The following HS3ST4 variants were observed in gnomAD, a reference collection of about 807,000 sequenced individuals.
The protein encoded by HS3ST4 is heparan sulfate-glucosamine 3-sulfotransferase 4.
HS3ST4 carries 17 observed loss-of-function variants against 29.2 expected under a neutral mutation model. The ratio of observed to expected loss-of-function variants is 0.58; its 90% confidence interval spans 0.40 to 0.87. The LOEUF (loss-of-function observed/expected upper bound fraction) is 0.87, where lower values mean the gene tolerates loss of function less well. HS3ST4 is among the 40% of genes least tolerant of loss of function. The pLI is 0.00. For missense variants in HS3ST4, 627 were observed against 634.5 expected (o/e 0.99, Z 0.13); for synonymous variants, 314 against 285.7 (o/e 1.10, Z -1.00).
chr16:26,060,537 T>C (rs959025328), intron 1 of HS3ST4, among the ~76,000 whole-genome samples: 1 of 152,072 alleles, frequency 6.6e-6, no homozygotes, highest in Non-Finnish European at 1.5e-5. Context: ...CTCTACTTGG[T>C]TTTCCATAGC....
intron 1 of HS3ST4, among the ~76,000 whole-genome samples, chr16:25,920,599 CCCA>C (rs1488663182): frequency 2.3e-5 from 3 of 127,754 alleles, no homozygotes; most frequent in African/African-American, 1.1e-4. Context: ...CACTGCCGCC[CCCA>C]CCCCTCTTTT....
At chr16:25,715,927 G>GGA (rs1160052398) in intron 1 of HS3ST4, among the ~76,000 whole-genome samples, 5 of 152,172 alleles carry the variant, frequency 3.3e-5, no homozygotes, top group South Asian at 4.1e-4. Flanking sequence ...TATAGTCATA[G>GGA]GAGAATGACA....
chr16:25,810,359 G>A (rs537619221), intron 1 of HS3ST4, among the ~76,000 whole-genome samples: 106 of 152,226 alleles, frequency 7.0e-4, no homozygotes, highest in African/African-American at 2.5e-3. Flanking sequence ...ATTTGTTAAA[G>A]TTTATTTTAC....
intron 1 of HS3ST4, among the ~76,000 whole-genome samples, chr16:25,907,984 G>A (rs553395417): frequency 6.6e-6 from 1 of 152,272 alleles, no homozygotes; most frequent in South Asian, 2.1e-4. Context: ...TAACCTTAGA[G>A]ACACACGGAA....
At chr16:25,716,178 A>G (rs912836481) in intron 1 of HS3ST4, among the ~76,000 whole-genome samples, 13 of 152,214 alleles carry the variant, frequency 8.5e-5, no homozygotes, top group Non-Finnish European at 1.8e-4. Context: ...CTTTTCCCAT[A>G]TAATCTTTTA....
chr16:26,013,667 C>T (rs1969333734), intron 1 of HS3ST4, among the ~76,000 whole-genome samples: 1 of 152,128 alleles, frequency 6.6e-6, no homozygotes, highest in South Asian at 2.1e-4. Context: ...AGGGCCTTCG[C>T]ATAAATGCTT....
At chr16:25,732,623 G>C (rs1392493968) in intron 1 of HS3ST4, among the ~76,000 whole-genome samples, 5 of 152,180 alleles carry the variant, frequency 3.3e-5, no homozygotes, top group African/African-American at 1.2e-4. Context: ...AAAAAAAGGA[G>C]TATCAAATAA....
At chr16:26,094,644 C>G (rs1453773736) in intron 1 of HS3ST4, among the ~76,000 whole-genome samples, 2 of 152,190 alleles carry the variant, frequency 1.3e-5, no homozygotes, top group African/African-American at 4.8e-5. Flanking sequence ...CAATCAGTAC[C>G]AGCCACTGCA....
At chr16:25,756,412 TA>T (rs1310002511) in intron 1 of HS3ST4, among the ~76,000 whole-genome samples, 7 of 152,112 alleles carry the variant, frequency 4.6e-5, no homozygotes, top group Non-Finnish European at 1.0e-4. Context: ...AACTGTTAAA[TA>T]GAAAGGCTGT....
chr16:25,800,690 C>T (rs1966924685), intron 1 of HS3ST4, among the ~76,000 whole-genome samples: 1 of 151,966 alleles, frequency 6.6e-6, no homozygotes, highest in Non-Finnish European at 1.5e-5. Context: ...CTCTAAAATT[C>T]ATATGTTGAA....
intron 1 of HS3ST4, among the ~76,000 whole-genome samples, chr16:25,762,911 GAA>G (rs1213138443): frequency 8.0e-6 from 1 of 125,002 alleles, no homozygotes; most frequent in Non-Finnish European, 1.7e-5. Context: ...AAAAAAGAAA[GAA>G]AATGCTCAAC....
At chr16:26,060,945 C>A (rs912608743) in intron 1 of HS3ST4, among the ~76,000 whole-genome samples, 3 of 152,206 alleles carry the variant, frequency 2.0e-5, no homozygotes, top group Non-Finnish European at 4.4e-5. Context: ...TTTCACTCTG[C>A]AGTGAGTCCT....
chr16:25,972,736 C>T (rs187353683), intron 1 of HS3ST4, among the ~76,000 whole-genome samples: 15 of 152,244 alleles, frequency 9.9e-5, no homozygotes, highest in African/African-American at 3.6e-4. Flanking sequence ...CCAGCCCACA[C>T]TCAAGAAGAG....
intron 1 of HS3ST4, among the ~76,000 whole-genome samples, chr16:26,045,372 T>C (rs1898251683): frequency 6.6e-6 from 1 of 152,254 alleles, no homozygotes; most frequent in Non-Finnish European, 1.5e-5. Flanking sequence ...TTTAGTTTAA[T>C]ATATTCTTGC....
chr16:26,132,071 A>G (rs1452547070), intron 1 of HS3ST4, among the ~76,000 whole-genome samples: 3 of 152,312 alleles, frequency 2.0e-5, no homozygotes, highest in Admixed American at 1.3e-4. Flanking sequence ...ATACTTCATT[A>G]TATGATGCTA....
chr16:25,890,208 A>G (rs1469580113), intron 1 of HS3ST4, among the ~76,000 whole-genome samples: 1 of 152,198 alleles, frequency 6.6e-6, no homozygotes, highest in Non-Finnish European at 1.5e-5. Flanking sequence ...ATTTGCCCCA[A>G]GTCACACAAA....
chr16:25,742,677 T>C (rs1389756064), intron 1 of HS3ST4, among the ~76,000 whole-genome samples: 1 of 152,222 alleles, frequency 6.6e-6, no homozygotes, highest in Admixed American at 6.5e-5. Flanking sequence ...CTCTCTTCTG[T>C]AGCATTTGGC....
intron 1 of HS3ST4, among the ~76,000 whole-genome samples, chr16:25,804,661 G>A (rs953689926): frequency 3.9e-5 from 6 of 152,102 alleles, no homozygotes; most frequent in Admixed American, 2.0e-4. Context: ...GGCCTCTTGT[G>A]GTGATGGAGG....
intron 1 of HS3ST4, among the ~76,000 whole-genome samples, chr16:25,972,756 C>T (rs1044856876): frequency 1.3e-5 from 2 of 152,096 alleles, no homozygotes; most frequent in African/African-American, 4.8e-5. Flanking sequence ...GGGGATTATG[C>T]AGGGTGTGAA....
Sources: allele counts gnomAD v4.1 joint callset (sites outside exome capture counted in the v4.1 genomes callset), GRCh38; gene constraint gnomAD v4.1.1; transcripts MANE v1.5; gene names NCBI Gene and HGNC (gene_info 2026-07-23, HGNC 2026-07-21).